Variants in MUC5B observed in about 807,000 individuals in gnomAD.
The protein encoded by MUC5B is mucin-5B.
MUC5B carries 116 observed loss-of-function variants against 376.9 expected under a neutral mutation model. The observed-to-expected ratio is 0.31, with a 90% CI of 0.26 to 0.36. The LOEUF (loss-of-function observed/expected upper bound fraction) is 0.36. MUC5B is among the 10% of genes least tolerant of loss of function. The probability of loss-of-function intolerance (pLI) is 1.00; values close to 1 mark genes in which losing one functional copy is unlikely to be tolerated. For missense variants in MUC5B, 7,165 were observed against 7,769.9 expected, an observed-to-expected ratio of 0.92 and a Z score of 2.93; for synonymous variants, 3,517 against 3,390.9, an observed-to-expected ratio of 1.04 and a Z score of -1.29.
At position 1,227,347 on chromosome 11, in the gene MUC5B, C is replaced by T; in HGVS notation, c.616C>T (p.Leu206=). 1 of 1,612,788 alleles carries T rather than the reference C, an allele frequency of 6.2e-7. No homozygotes were observed. Among genetic ancestry groups the T allele is most frequent in the African/African-American group, 1.3e-5 (1 of 75,070 alleles). The change falls in exon 6 of 49, where the codon CTG becomes TTG. Residue 206 remains leucine (L), a synonymous_variant. Coordinates refer to ENST00000529681, the MANE Select transcript of MUC5B (RefSeq NM_002458.3). ...DPKYANQTCG[L]CGDFNGLPAF... ...CAAATACGCCAACCAGACCTGTGGCCTGTGTGGGGACTTCAACGGCCTCCC... is the reference window on the plus strand; with the variant it reads ...CAAATACGCCAACCAGACCTGTGGCTTGTGTGGGGACTTCAACGGCCTCCC...
In MUC5B at chr11:1,234,206, G is replaced by A. The variant is rs1476383285; in HGVS notation, c.2379G>A (p.Gly793=). ...CLGASLQKST[G]CAAPMVYLDC... ...CCTCCCACCAAGCTCTGTCCCCAGG[G>A]TGTGCAGCCCCCATGGTGTACCTGG... Residue 793 remains glycine (G), a splice_region_variant and synonymous_variant, in exon 20 of 49, where the codon GGG becomes GGA. Transcript: ENST00000529681. This position sits in a 1 kb window ranked among gnomAD's most constrained non-coding sequence, Gnocchi z 6.3. 1.2e-5 allele frequency: 19 copies of A among 1,599,608 alleles called. No homozygotes were observed. The highest frequency in any genetic ancestry group is 1.5e-5 in the Non-Finnish European group (18 of 1,175,214).
chr11:1,261,618 G>C lies in MUC5B; in HGVS notation c.*10G>C. The stretch of plus-strand genomic sequence containing the variant: ...GGCCACTGCTGTCTGAGAACGTTCT[G>C]CCTCCATCCCCATGCTCTGTCCACC... On this transcript the variant is annotated 3_prime_UTR_variant, in exon 49 of 49. Transcript: ENST00000529681. 4 of 1,595,110 alleles carry C rather than the reference G, an allele frequency of 2.5e-6. No individual in the cohort carries two copies. The South Asian group carries it at 3.4e-5, about 14-fold the overall frequency.
At chr11:1,240,788 C>T (rs1862262747) in intron 30 of MUC5B, 63 bp from the exon 31 acceptor site, 13 of 1,468,124 alleles carry the variant, frequency 8.9e-6, no homozygotes, top group Non-Finnish European at 1.2e-5. Flanking sequence ...TGGGGCCCCT[C>T]CACCTTGTGA....
At position 1,248,358 on chromosome 11, in the gene MUC5B, C is replaced by A. The variant is rs530011223; in HGVS notation, c.11478C>A (p.Ser3826=). The A allele has an allele frequency of 5.0e-6, 8 of 1,612,804 alleles. No homozygotes were observed. In the African/African-American group the frequency reaches 9.4e-5, roughly 19 times the overall value. ...TATMSTATPS[S]TPETAHTSTV... is the part of the protein sequence containing the mutation. ...CCATGTCCACAGCCACACCCTCCTC[C>A]ACTCCAGAGACTGCCCACACCTCCA... Residue 3826 remains serine (S), a synonymous_variant, in exon 31 of 49, where the codon TCC becomes TCA. Coordinates refer to ENST00000529681, the MANE Select transcript of MUC5B (RefSeq NM_002458.3).
rs764787826 is a variant in MUC5B, at chr11:1,247,994, C to T, written c.11114C>T (p.Ser3705Phe). Residue 3705 changes from serine (S) to phenylalanine (F), a missense_variant, in exon 31 of 49, where the codon TCC (serine) becomes TTC (phenylalanine). Physicochemically the swap from Ser to Phe is radical, Grantham distance 155. Transcript: ENST00000529681. ...ACCACAACAGCCACTACGACTGAGT[C>T]CACTGGATCCACGGCCACCCCGTCC... ...KLTTTATTTE[S>F]TGSTATPSST... 1.9e-6 allele frequency: 3 copies of T among 1,610,252 alleles called. No homozygotes were observed. Among genetic ancestry groups the T allele is most frequent in the East Asian group, 4.5e-5 (2 of 44,846 alleles).
intron 11 of MUC5B, 39 bp from the exon 12 acceptor site, chr11:1,230,451 C>T (rs374303669): frequency 2.1e-5 from 32 of 1,520,718 alleles, no homozygotes; most frequent in Middle Eastern, 1.7e-4. Flanking sequence ...CCCACATCAT[C>T]GAGCCAGGCC....
At position 1,232,159 on chromosome 11, in the gene MUC5B, T is replaced by C; in HGVS notation, c.1842T>C (p.Asn614=). ...FEDPCSLSVE[N]ENYARHWCSR... ...ACCCCTGCTCCCTCAGTGTGGAGAA[T>C]GGTACTCCTCGCCCCCACCCCCACA... Residue 614 remains asparagine, a splice_region_variant and synonymous_variant, in exon 15 of 49, where the codon AAT becomes AAC. Transcript: ENST00000529681. The C allele has an allele frequency of 6.3e-7, 1 of 1,598,232 alleles. No homozygotes were observed. Among genetic ancestry groups the C allele is most frequent in the Non-Finnish European group, 8.5e-7 (1 of 1,171,154 alleles).
Position 1,233,205 on chromosome 11 carries a change from C to A in MUC5B, c.2258C>A (p.Pro753His). ...GCCTGTGTGCCCGCCCAGGAGTGCC[C>A]CTGCTACGCTCACGGCACCGTGCTG... is the stretch of plus-strand genomic sequence containing the variant. ...AGACVPAQEC[P>H]CYAHGTVLAP... Residue 753 changes from proline to histidine, a missense_variant, in exon 18 of 49, where the codon CCC becomes CAC. Around this residue, in one of 31 missense-constraint regions of MUC5B, gnomAD observed 530 missense variants for 604.0 expected, o/e 0.88. Transcript: ENST00000529681. 6.2e-7 allele frequency: 1 copy of A among 1,601,568 alleles called. No homozygotes were observed.
Position 1,223,104 on chromosome 11 carries a change from C to T in MUC5B, c.-20C>T, listed in dbSNP as rs369938192. The T allele has an allele frequency of 2.3e-5, 16 of 699,172 alleles. No individual in the cohort carries two copies. The highest frequency in any genetic ancestry group is 8.1e-5 in the East Asian group (3 of 37,128). The allele number at this position is 699,172 out of a possible 1,614,324, so 43.3% of individuals were successfully genotyped here. A position where few individuals can be genotyped will look rare whatever the true frequency, so the allele number is the denominator to read the frequency against. On this transcript the variant is annotated 5_prime_UTR_variant, in exon 1 of 49. Coordinates refer to ENST00000529681, the MANE Select transcript of MUC5B (RefSeq NM_002458.3). ...CCCTCCCTGCCCGTCCCCGTCCCCC[C>T]ACCCGTGCCAGCCCCCAGGATGGGT...
chr11:1,233,273 G>T lies in MUC5B; in HGVS notation c.2321+5G>T. On this transcript the variant is annotated splice_donor_5th_base_variant and intron_variant, in intron 18 of 48. Transcript: ENST00000529681. ...GCACGACGAGGGCGCCGTGTGGTAA[G>T]GGTCTGGGGGGAAAGCAGGCCCCCC... 1 of 1,540,510 alleles carries T rather than the reference G, an allele frequency of 6.5e-7. No homozygotes were observed.
rs1442837156 is a variant in MUC5B at position 1,246,576 on chromosome 11, C to A, written c.9696C>A (p.Pro3232=). 2 of 1,613,436 alleles carry A rather than the reference C, an allele frequency of 1.2e-6. No homozygotes were observed. The highest frequency in any genetic ancestry group is 2.7e-5 in the African/African-American group (2 of 74,776). Reference sequence around the variant, plus strand: ...CACTGAGAAGCACAGCCACCACACCCACAGCTACCAGCGTTACAGCCATCC... The same window carrying A: ...CACTGAGAAGCACAGCCACCACACCAACAGCTACCAGCGTTACAGCCATCC... ...LPALRSTATT[P]TATSVTAIPS... The change falls in exon 31 of 49, where the codon CCC becomes CCA. Residue 3232 remains proline, a synonymous_variant. Coordinates refer to ENST00000529681, the MANE Select transcript of MUC5B (RefSeq NM_002458.3).
chr11:1,250,603 A>G lies in MUC5B; in HGVS notation c.13723A>G (p.Thr4575Ala). ...CGCCACGGCCACCACAACCGGGGCC[A>G]CCGGCTCTGTGGCCACCCCCTCCTC... is the stretch of plus-strand genomic sequence containing the variant. ...LTATATTTGA[T>A]GSVATPSSTP... is the part of the protein sequence containing the mutation. The change falls in exon 31 of 49, where the codon ACC (threonine) becomes GCC (alanine). Residue 4575 changes from threonine (T) to alanine (A), a missense_variant. By Grantham distance (58) the Thr-to-Ala change is moderately conservative (BLOSUM62 0). Coordinates refer to ENST00000529681, the MANE Select transcript of MUC5B (RefSeq NM_002458.3). The G allele has an allele frequency of 6.2e-7, 1 of 1,613,630 alleles. No individual in the cohort carries two copies. The highest frequency in any genetic ancestry group is 8.5e-7 in the Non-Finnish European group (1 of 1,179,846).
At chr11:1,240,632 G>C (rs879900031) in intron 30 of MUC5B, among the ~76,000 whole-genome samples, 1 of 152,132 alleles carries the variant, frequency 6.6e-6, no homozygotes, top group Non-Finnish European at 1.5e-5. Flanking sequence ...CCCTCAGCAC[G>C]GCCTATCCCA....
chr11:1,234,956 G>A lies in MUC5B; in HGVS notation c.2631-129G>A, dbSNP rs56149434. 1.1e-4 allele frequency: 143 copies of A among 1,311,604 alleles called. No individual in the cohort carries two copies. In the African/African-American group the frequency reaches 1.7e-3, roughly 16 times the overall value. 81.2% of individuals were successfully genotyped at this position (1,311,604 alleles called of 1,614,324 possible). On this transcript the variant is annotated intron_variant, in intron 21 of 48. Coordinates refer to ENST00000529681, the MANE Select transcript of MUC5B (RefSeq NM_002458.3). This position sits in a 1 kb window ranked among gnomAD's most constrained non-coding sequence, Gnocchi z 6.3. ...CAGTGGGGGACACCACTTCTTCCACGGAGGAGGGGTCAGGCTGGGCCTGGG... is the reference window on the plus strand; with the variant it reads ...CAGTGGGGGACACCACTTCTTCCACAGAGGAGGGGTCAGGCTGGGCCTGGG...
rs1383548614 is a variant in MUC5B, at chr11:1,244,819, G to A, written c.7939G>A (p.Val2647Met). The A allele has an allele frequency of 3.7e-6, 6 of 1,613,482 alleles. No homozygotes were observed. Among genetic ancestry groups the A allele is most frequent in the Non-Finnish European group, 4.2e-6 (5 of 1,179,708 alleles). Residue 2647 changes from valine to methionine, a missense_variant, in exon 31 of 49, where the codon GTG (valine) becomes ATG (methionine). Val to Met is a conservative substitution (Grantham distance 21, BLOSUM62 1). Coordinates refer to ENST00000529681, the MANE Select transcript of MUC5B (RefSeq NM_002458.3). ...TTTPTTRGSTVTPSSIPGTTH... is the reference protein window; with the variant it reads ...TTTPTTRGSTMTPSSIPGTTH... ...CACACCCACAACCAGAGGTTCCACG[G>A]TGACCCCCTCCTCCATCCCGGGGAC...
intron 38 of MUC5B, 32 bp downstream of exon 38, chr11:1,256,257 C>A (rs1372000179): frequency 5.6e-6 from 4 of 716,890 alleles, no homozygotes; most frequent in South Asian, 1.5e-5. Context: ...GCCTTCCCTG[C>A]CACCCAGGCC....
chr11:1,251,342 A>C lies in MUC5B; in HGVS notation c.14462A>C (p.Glu4821Ala). 6.2e-7 allele frequency: 1 copy of C among 1,609,652 alleles called. No individual in the cohort carries two copies. The highest frequency in any genetic ancestry group is 1.3e-5 in the African/African-American group (1 of 74,374). Residue 4821 changes from glutamate to alanine, a missense_variant, in exon 31 of 49, where the codon GAG becomes GCG. Physicochemically the swap from Glu to Ala is moderately radical, Grantham distance 107. This residue lies in a region of MUC5B where 730 missense variants were observed against 592.7 expected (regional missense o/e 1.23). Transcript: ENST00000529681. ...STLGTTRILT[E>A]LTTTATTTAA... ...CTGGGGACGACCCGGATCCTCACTGAGCTGACCACAACAGCCACTACAACT... is the reference window on the plus strand; with the variant it reads ...CTGGGGACGACCCGGATCCTCACTGCGCTGACCACAACAGCCACTACAACT...
At position 1,244,917 on chromosome 11, in the gene MUC5B, T is replaced by C; in HGVS notation, c.8037T>C (p.Ser2679=). 3.8e-6 allele frequency: 6 copies of C among 1,591,342 alleles called. No homozygotes were observed. The highest frequency in any genetic ancestry group is 5.1e-6 in the Non-Finnish European group (6 of 1,171,548). ...VATGSMATPS[S]STQTSGTPPS... ...CTGGTTCTATGGCAACACCCTCCTC[T>C]AGCACACAGACCAGTGGTACTCCCC... The change falls in exon 31 of 49, where the codon TCT becomes TCC. Residue 2679 remains serine, a synonymous_variant. Transcript: ENST00000529681.
At position 1,241,029 on chromosome 11, in the gene MUC5B, G is replaced by A. The variant is rs376910733; in HGVS notation, c.4149G>A (p.Ala1383=). 147 of 1,612,528 alleles carry A rather than the reference G, an allele frequency of 9.1e-5. 2 individuals are homozygous for A. In the South Asian group the frequency reaches 1.5e-3, roughly 16 times the overall value. Residue 1383 remains alanine, a synonymous_variant, in exon 31 of 49, where the codon GCG becomes GCA. Coordinates refer to ENST00000529681, the MANE Select transcript of MUC5B (RefSeq NM_002458.3). ...TGGCTGACATCGAGTGCCGGGCGGC[G>A]CAGCTTCCCGACATGCCGCTGGAGG... ...PVLADIECRA[A]QLPDMPLEEL...
Sources: allele counts gnomAD v4.1 joint callset (sites outside exome capture counted in the v4.1 genomes callset), GRCh38; gene constraint gnomAD v4.1.1; regional missense constraint gnomAD v4.1.1; non-coding constraint Gnocchi (gnomAD v3.1); transcripts MANE v1.5; gene names NCBI Gene and HGNC (gene_info 2026-07-23, HGNC 2026-07-21).